CYREN: variants seen among roughly 807,000 people sequenced by gnomAD.
CYREN encodes the protein cell cycle regulator of NHEJ, also known as cell cycle regulator of non-homologous end joining.
In CYREN, 7 loss-of-function variants were observed where a neutral mutation model predicts 9.7. The observed-to-expected ratio is 0.72, with a 90% CI of 0.41 to 1.36. The LOEUF (loss-of-function observed/expected upper bound fraction) is 1.36. CYREN is among the 40% of genes most tolerant of loss of function. The pLI is 0.01. For synonymous variants in CYREN, 76 were observed against 77.9 expected (o/e 0.98, Z 0.13); for missense variants, 215 against 198.1 (o/e 1.09, Z -0.51).
chr7:135,167,748 A>C lies in CYREN; in HGVS notation c.197T>G (p.Leu66Arg). 1.2e-6 allele frequency: 2 copies of C among 1,614,202 alleles called. No individual in the cohort carries two copies. The highest frequency in any genetic ancestry group is 1.7e-6 in the Non-Finnish European group (2 of 1,180,014). Residue 66 changes from leucine to arginine, a missense_variant, in exon 3 of 4, where the codon CTG becomes CGG. Physicochemically the swap from Leu to Arg is moderately radical, Grantham distance 102. Transcript: ENST00000393114. Reference sequence around the variant, plus strand: ...TGACTTTACCTCAATCAGGATTCCCAGAGCAACATCAACTATCTCAGCCTC... The same window carrying C: ...TGACTTTACCTCAATCAGGATTCCCCGAGCAACATCAACTATCTCAGCCTC... The part of the protein sequence containing the change: ...MNEAEIVDVA[L>R]GILIESRKQE...
Position 135,098,747 on chromosome 7 carries a change from T to C in CYREN, n.357-4165A>G, listed in dbSNP as rs138394664. On this transcript the variant is annotated intron_variant and non_coding_transcript_variant, in intron 2 of 2. Transcript: ENST00000459937. ...CTGCAGGCAGTTCAGAGAAGTATTA[T>C]TGGAAAAAGAAACAGGAAGAGCAAA... is the stretch of plus-strand genomic sequence containing the variant. Among the ~76,000 whole-genome samples the C allele has an allele frequency of 7.1e-3, 1,076 of 152,264 alleles. 15 individuals carry two copies. The highest frequency in any genetic ancestry group is 0.025 in the African/African-American group (1,023 of 41,550).
rs1825670392 is a variant in CYREN at position 135,111,731 on chromosome 7, G to A, written n.357-17149C>T. 2.0e-5 allele frequency among the ~76,000 whole-genome samples: 3 copies of A among 152,140 alleles called. No individual in the cohort carries two copies. The South Asian group carries it at 6.2e-4, about 32-fold the overall frequency. ...AAATATGTGAAGAGGAGCCCATGTA[G>A]GACATCACCTCTGCCTAAATTTTAA... On this transcript the variant is annotated intron_variant and non_coding_transcript_variant, in intron 2 of 2. Coordinates refer to the CYREN transcript ENST00000459937.
chr7:135,121,845 G>A (rs2117248116), intron 2 of CYREN, among the ~76,000 whole-genome samples: 1 of 152,304 alleles, frequency 6.6e-6, no homozygotes, highest in East Asian at 1.9e-4. Context: ...GGGAGGTGGT[G>A]AGTGAGTGTG....
At chr7:135,122,635 G>A (rs2117255702) in intron 2 of CYREN, among the ~76,000 whole-genome samples, 1 of 152,284 alleles carries the variant, frequency 6.6e-6, no homozygotes, top group African/African-American at 2.4e-5. Context: ...AATACTGCTG[G>A]CATCAGGCTG....
At position 135,168,940 on chromosome 7, in the gene CYREN, A is replaced by G. The variant is rs746869199; in HGVS notation, c.-18T>C. 7 of 1,563,410 alleles carry G rather than the reference A, an allele frequency of 4.5e-6. No individual in the cohort carries two copies. The East Asian group carries it at 1.6e-4, about 37-fold the overall frequency. On this transcript the variant is annotated 5_prime_UTR_variant, in exon 2 of 4. Transcript: ENST00000393114. ...GTTTCCATCTCTGTACCTTCTCACA[A>G]AGAAGAGTCAGGGCCCAAGCTTAAT...
intron 2 of CYREN, among the ~76,000 whole-genome samples, chr7:135,126,599 G>C (rs1827903453): frequency 6.6e-6 from 1 of 152,140 alleles, no homozygotes; most frequent in Admixed American, 6.5e-5. Flanking sequence ...TAAGCAGAAG[G>C]AACAAAGCTG....
rs957739987 is a variant in CYREN at position 135,107,617 on chromosome 7, G to C, written n.357-13035C>G. Among the ~76,000 whole-genome samples, 7 of 152,234 alleles carry C rather than the reference G, an allele frequency of 4.6e-5. No homozygotes were observed. In the East Asian group the frequency reaches 1.4e-3, roughly 29 times the overall value. ...ATTTCAGTTCTTTTGCATTTCCTGA[G>C]AATTGTTTTATGTCTGATTGTGTAG... On this transcript the variant is annotated intron_variant and non_coding_transcript_variant, in intron 2 of 2. Transcript: ENST00000459937.
At chr7:135,147,066 CATA>C (rs967207835) in intron 2 of CYREN, among the ~76,000 whole-genome samples, 48 of 152,172 alleles carry the variant, frequency 3.2e-4, no homozygotes, top group African/African-American at 9.2e-4. Flanking sequence ...TTCCACTTTT[CATA>C]ATAATAGCTA....
intron 2 of CYREN, among the ~76,000 whole-genome samples, chr7:135,152,254 T>A (rs1829681398): frequency 1.3e-5 from 2 of 152,208 alleles, no homozygotes; most frequent in African/African-American, 4.8e-5. Flanking sequence ...AGCTTCAAGG[T>A]CCATGCTCAG....
At chr7:135,128,937 T>G in intron 2 of CYREN, 1 of 1,562,216 alleles carries the variant, frequency 6.4e-7, no homozygotes, top group Non-Finnish European at 8.8e-7. Context: ...CAATATCTGT[T>G]TCTGTAAGAA....
intron 2 of CYREN, among the ~76,000 whole-genome samples, chr7:135,114,766 A>C (rs779475656): frequency 1.3e-5 from 2 of 152,082 alleles, no homozygotes; most frequent in Admixed American, 6.6e-5. Context: ...CCTCTCTTCA[A>C]TCTGTTCTCA....
chr7:135,128,552 T>C, intron 2 of CYREN: 1 of 768,130 alleles, frequency 1.3e-6, no homozygotes, highest in East Asian at 2.4e-5. Flanking sequence ...AACCAGGATC[T>C]ATTTGGATTT....
chr7:135,153,695 C>G (rs1265668444), intron 2 of CYREN, among the ~76,000 whole-genome samples: 2 of 152,172 alleles, frequency 1.3e-5, no homozygotes, highest in East Asian at 3.9e-4. Context: ...TAAATCCCAT[C>G]TGATCATAGT....
At chr7:135,164,603 G>A, downstream of CYREN, 1 of 1,614,236 alleles carries the variant, frequency 6.2e-7, no homozygotes, top group South Asian at 1.1e-5. Flanking sequence ...ACTTCTGCCT[G>A]TGGAATGAGG....
chr7:135,158,369 G>T (rs765278945), intron 2 of CYREN, among the ~76,000 whole-genome samples: 33 of 152,264 alleles, frequency 2.2e-4, no homozygotes, highest in Non-Finnish European at 4.6e-4. Context: ...GTTCCAGGGA[G>T]GGGTGCTGCC....
intron 2 of CYREN, among the ~76,000 whole-genome samples, chr7:135,137,450 A>G (rs185409675): frequency 2.0e-5 from 3 of 152,146 alleles, no homozygotes; most frequent in Admixed American, 6.6e-5. Flanking sequence ...GAAGTAAAGG[A>G]AAAAAAGGAA....
intron 2 of CYREN, among the ~76,000 whole-genome samples, chr7:135,132,817 T>C (rs932540347): frequency 6.6e-6 from 1 of 152,106 alleles, no homozygotes; most frequent in South Asian, 2.1e-4. Context: ...GAACTGTGAG[T>C]CAATTAAACC....
chr7:135,159,641 C>G (rs1181626054), intron 2 of CYREN, among the ~76,000 whole-genome samples: 1 of 152,182 alleles, frequency 6.6e-6, no homozygotes, highest in East Asian at 1.9e-4. Context: ...TTATACTTTA[C>G]TGTCACAACT....
intron 2 of CYREN, among the ~76,000 whole-genome samples, chr7:135,155,980 T>G (rs1829782195): frequency 6.6e-6 from 1 of 152,228 alleles, no homozygotes; most frequent in Non-Finnish European, 1.5e-5. Context: ...TATTTCTCCT[T>G]TTATAAAGCT....
Sources: gnomAD v4.1 joint callset for allele counts (sites outside exome capture counted in the v4.1 genomes callset) on GRCh38, gnomAD v4.1.1 for gene constraint, MANE v1.5 for transcripts, NCBI Gene and HGNC (gene_info 2026-07-23, HGNC 2026-07-21) for gene names.